The following HYAL3 variants were observed in gnomAD, a reference collection of about 807,000 sequenced individuals.
HYAL3 encodes the protein hyaluronidase-3.
Under a neutral mutation model 29.6 loss-of-function variants are expected in HYAL3, and 25 were observed. That is an observed-to-expected ratio of 0.85 (90% CI 0.62 to 1.18). HYAL3 has a LOEUF of 1.18. HYAL3 is among the 50% of genes most tolerant of loss of function. The pLI is 0.00. For synonymous variants in HYAL3, 215 were observed against 218.3 expected, an observed-to-expected ratio of 0.99 and a Z score of 0.13; for missense variants, 442 against 548.4, an observed-to-expected ratio of 0.81 and a Z score of 1.94.
chr3:50,297,018 C>T lies in HYAL3; in HGVS notation c.-17-1399G>A. ...CATGAGGCGGCGGCCAAAGCCACGG[C>T]CCCTCAGGGCCCGGGCCACCACCAC... On this transcript the variant is annotated intron_variant, in intron 1 of 3. Transcript: ENST00000336307. This position sits in a 1 kb window ranked among gnomAD's most constrained non-coding sequence, Gnocchi z 4.3. 6.5e-7 allele frequency: 1 copy of T among 1,544,852 alleles called. No homozygotes were observed. Among genetic ancestry groups the T allele is most frequent in the Non-Finnish European group, 8.7e-7 (1 of 1,149,694 alleles).
rs1701806711 is a variant in HYAL3, at chr3:50,295,450, T to C, written c.153A>G (p.Pro51=). The part of the protein sequence containing the change: ...HCEARFGVHL[P]LNALGIIANR... ...TGGCTATGATGCCCAGAGCATTGAG[T>C]GGCAGGTGCACACCAAAGCGGGCCT... The change falls in exon 2 of 4, where the codon CCA becomes CCG. Residue 51 remains proline (P), a synonymous_variant. Transcript: ENST00000336307. The C allele has an allele frequency of 6.2e-7, 1 of 1,613,938 alleles. No homozygotes were observed. The highest frequency in any genetic ancestry group is 1.7e-5 in the Admixed American group (1 of 60,006).
intron 2 of HYAL3, among the ~76,000 whole-genome samples, chr3:50,293,956 C>T (rs1202035293): frequency 4.6e-5 from 7 of 152,092 alleles, no homozygotes; most frequent in Non-Finnish European, 1.5e-5. Flanking sequence ...AAGTAATCCT[C>T]CCACCTCAGC....
Position 50,295,533 on chromosome 3 carries a change from G to T in HYAL3, c.70C>A (p.Pro24Thr), listed in dbSNP as rs1575498437. 6.3e-7 allele frequency: 1 copy of T among 1,595,432 alleles called. No homozygotes were observed. Among genetic ancestry groups the T allele is most frequent in the Non-Finnish European group, 8.6e-7 (1 of 1,169,278 alleles). ...GAGAAGGGGCGTTCAGGGACCTGTGGTAGGGGCTGGCCACAACCCAGGCAC... is the reference window on the plus strand; with the variant it reads ...GAGAAGGGGCGTTCAGGGACCTGTGTTAGGGGCTGGCCACAACCCAGGCAC... Reference protein sequence around the residue: ...ALCLGCGQPLPQVPERPFSVL... With the variant: ...ALCLGCGQPLTQVPERPFSVL... The change falls in exon 2 of 4, where the codon CCA becomes ACA. Residue 24 changes from proline (P) to threonine (T), a missense_variant. Physicochemically the swap from Pro to Thr is conservative, Grantham distance 38 (BLOSUM62 -1). Coordinates refer to ENST00000336307, the MANE Select transcript of HYAL3 (RefSeq NM_003549.4).
At chr3:50,294,498 C>T (rs1328701633) in intron 2 of HYAL3, among the ~76,000 whole-genome samples, 40 of 152,170 alleles carry the variant, frequency 2.6e-4, no homozygotes, top group Admixed American at 2.6e-3. Flanking sequence ...AATATCTCCC[C>T]TCAGGCCAGC....
chr3:50,295,956 T>G (rs1181003943), intron 1 of HYAL3, among the ~76,000 whole-genome samples: 1 of 152,176 alleles, frequency 6.6e-6, no homozygotes, highest in African/African-American at 2.4e-5. Flanking sequence ...CCTTGTTCCC[T>G]CTTCCAAGAA....
rs782170206 is a variant in HYAL3 at position 50,293,768 on chromosome 3, T to C, written c.895-47A>G. 2.7e-6 allele frequency: 4 copies of C among 1,501,420 alleles called. No individual in the cohort carries two copies. In the Admixed American group the frequency reaches 5.0e-5, roughly 19 times the overall value. 93.0% of individuals were successfully genotyped at this position (1,501,420 alleles called of 1,614,324 possible). On this transcript the variant is annotated intron_variant, in intron 2 of 3. Coordinates refer to ENST00000336307, the MANE Select transcript of HYAL3 (RefSeq NM_003549.4). Reference sequence around the variant, plus strand: ...GCCAGTGCTGGGCTGGCCAGATCCATGTGGGCACACATCCACATTCAAGAA... The same window carrying C: ...GCCAGTGCTGGGCTGGCCAGATCCACGTGGGCACACATCCACATTCAAGAA...
At chr3:50,293,771 G>A (rs782701136) in intron 2 of HYAL3, 50 bp from the exon 3 acceptor site, 1 of 1,469,856 alleles carries the variant, frequency 6.8e-7, no homozygotes, top group African/African-American at 1.4e-5. Flanking sequence ...AGATCCATGT[G>A]GGCACACATC....
Position 50,297,526 on chromosome 3 carries a change from G to T in HYAL3, c.-18+1687C>A. 6.6e-7 allele frequency: 1 copy of T among 1,522,766 alleles called. No homozygotes were observed. The highest frequency in any genetic ancestry group is 8.8e-7 in the Non-Finnish European group (1 of 1,132,874). 94.3% of individuals were successfully genotyped at this position (1,522,766 alleles called of 1,614,324 possible). ...GGGCCAGGGCTCAGAGTCAGCTCTTGCCTATGCACAGGATCCAGGTTCAGC... is the reference window on the plus strand; with the variant it reads ...GGGCCAGGGCTCAGAGTCAGCTCTTTCCTATGCACAGGATCCAGGTTCAGC... On this transcript the variant is annotated intron_variant, in intron 1 of 3. Transcript: ENST00000336307. This position sits in a 1 kb window ranked among gnomAD's most constrained non-coding sequence, Gnocchi z 4.3.
In HYAL3 at chr3:50,297,320, C is replaced by G; in HGVS notation, c.-17-1701G>C. The G allele has an allele frequency of 6.2e-7, 1 of 1,607,166 alleles. No homozygotes were observed. The highest frequency in any genetic ancestry group is 8.5e-7 in the Non-Finnish European group (1 of 1,175,858). On this transcript the variant is annotated intron_variant, in intron 1 of 3. Coordinates refer to ENST00000336307, the MANE Select transcript of HYAL3 (RefSeq NM_003549.4). The surrounding 1 kb of genome is among the most constrained non-coding windows in gnomAD (Gnocchi z 4.3). The stretch of plus-strand genomic sequence containing the variant: ...GGCTAGGAGCTGGGGTCTCCTCTGG[C>G]TGGTGTTCAGGATCCAGGGTAAGCT...
intron 1 of HYAL3, chr3:50,298,988 G>A: frequency 2.7e-6 from 4 of 1,456,750 alleles, no homozygotes; most frequent in Non-Finnish European, 2.7e-6. Context: ...TGGCTTCTCC[G>A]TCTCTCCCGG....
At chr3:50,296,649 T>C in intron 1 of HYAL3, 4 of 1,613,794 alleles carry the variant, frequency 2.5e-6, no homozygotes, top group Non-Finnish European at 3.4e-6. Context: ...CCTCACATTT[T>C]GATATTGTGT....
chr3:50,299,221 G>A lies in HYAL3; in HGVS notation c.-26C>T. The A allele has an allele frequency of 1.9e-6, 3 of 1,614,166 alleles. No homozygotes were observed. The highest frequency in any genetic ancestry group is 2.5e-6 in the Non-Finnish European group (3 of 1,180,016). Reference sequence around the variant, plus strand: ...AAGGGTGCGGTACTGACATGTTGATGCTGGCCTCTGGGATGTTCCGCGTCC... The same window carrying A: ...AAGGGTGCGGTACTGACATGTTGATACTGGCCTCTGGGATGTTCCGCGTCC... On this transcript the variant is annotated 5_prime_UTR_variant, in exon 1 of 4. Coordinates refer to ENST00000336307, the MANE Select transcript of HYAL3 (RefSeq NM_003549.4).
At chr3:50,296,520 G>A (rs782189821) in intron 1 of HYAL3, 68 of 1,491,402 alleles carry the variant, frequency 4.6e-5, no homozygotes, top group Non-Finnish European at 6.1e-5. Context: ...GCTAGGGGCT[G>A]AGGTATGGTC....
chr3:50,293,190 C>T lies in HYAL3; in HGVS notation c.*56G>A, dbSNP rs1553710273. On this transcript the variant is annotated 3_prime_UTR_variant, in exon 4 of 4. Transcript: ENST00000336307. ...GAGCAAGAGTGGGACAGAGTAGTTC[C>T]AGGACTGGAAAAGTGGCAGCAGGGA... 7 of 1,609,932 alleles carry T rather than the reference C, an allele frequency of 4.3e-6. No individual in the cohort carries two copies. The highest frequency in any genetic ancestry group is 1.3e-5 in the African/African-American group (1 of 74,884).
At chr3:50,295,663 GC>G in intron 1 of HYAL3, 44 bp from the exon 2 acceptor site, 1 of 1,453,702 alleles carries the variant, frequency 6.9e-7, no homozygotes, top group Non-Finnish European at 9.2e-7. Context: ...CGCAGCTATG[GC>G]CACACCTTCC....
chr3:50,293,654 TC>T lies in HYAL3; in HGVS notation c.961del (p.Asp321ThrfsTer2), dbSNP rs781915968. ...CACCTCAGAGCTGGAGAGGCTCAGGTCCCCCCAGAGCACCACGCCGGCTGCC... is the reference window on the plus strand; with the variant it reads ...CACCTCAGAGCTGGAGAGGCTCAGGTCCCCCAGAGCACCACGCCGGCTGCC... Reference protein sequence around the residue: ...LGAAGVVLWGDLSLSSSEEEC... With the variant: ...LGAAGVVLWGXLSLSSSEEEC... On this transcript the variant is annotated frameshift_variant, in exon 3 of 4. Transcript: ENST00000336307. LOFTEE classifies it high-confidence loss of function. 6.2e-7 allele frequency: 1 copy of T among 1,613,472 alleles called. No individual in the cohort carries two copies. Among genetic ancestry groups the T allele is most frequent in the Non-Finnish European group, 8.5e-7 (1 of 1,179,930 alleles).
At chr3:50,299,107 A>G in intron 1 of HYAL3, 106 bp downstream of exon 1, 3 of 1,610,126 alleles carry the variant, frequency 1.9e-6, no homozygotes, top group Non-Finnish European at 2.5e-6. Flanking sequence ...ATGGTCTGGA[A>G]ACGAACGACT....
chr3:50,296,522 G>A, intron 1 of HYAL3: 1 of 1,506,152 alleles, frequency 6.6e-7, no homozygotes, highest in Non-Finnish European at 9.1e-7. Flanking sequence ...TAGGGGCTGA[G>A]GTATGGTCAG....
chr3:50,295,759 T>C, intron 1 of HYAL3, 140 bp from the exon 2 acceptor site: 1 of 655,396 alleles, frequency 1.5e-6, no homozygotes, highest in Non-Finnish European at 2.4e-6. Context: ...TCCCCAGGGG[T>C]CTCTTGGGCC....
Sources: allele counts gnomAD v4.1 joint callset (sites outside exome capture counted in the v4.1 genomes callset), GRCh38; gene constraint gnomAD v4.1.1; non-coding constraint Gnocchi (gnomAD v3.1); transcripts MANE v1.5; gene names NCBI Gene and HGNC (gene_info 2026-07-23, HGNC 2026-07-21).